The following TRAK1 variants were observed in gnomAD, a reference collection of about 807,000 sequenced individuals.
TRAK1 encodes trafficking kinesin protein 1.
Under a neutral mutation model 92.1 loss-of-function variants are expected in TRAK1, and 33 were observed. That is an observed-to-expected ratio of 0.36 (90% CI 0.27 to 0.48). TRAK1 has a LOEUF of 0.48. TRAK1 is among the 20% of genes least tolerant of loss of function. The pLI is 0.99. For synonymous variants in TRAK1, 521 were observed against 517.3 expected (o/e 1.01, Z -0.10); for missense variants, 1,123 against 1,257.9 (o/e 0.89, Z 1.62).
chr3:42,143,739 T>G (rs1420192177), intron 2 of TRAK1, among the ~76,000 whole-genome samples: 1 of 152,118 alleles, frequency 6.6e-6, no homozygotes, highest in African/African-American at 2.4e-5. Context: ...CTTTTTCGGC[T>G]GCAGTAAACC....
chr3:42,152,969 CA>C (rs2149266484), intron 2 of TRAK1, among the ~76,000 whole-genome samples: 1 of 152,242 alleles, frequency 6.6e-6, no homozygotes, highest in African/African-American at 2.4e-5. Context: ...ACAGGAGTAA[CA>C]ACACTGGTTG....
intron 3 of TRAK1, among the ~76,000 whole-genome samples, chr3:42,180,034 C>G (rs927685137): frequency 2.0e-5 from 3 of 151,990 alleles, no homozygotes; most frequent in Admixed American, 6.6e-5. Flanking sequence ...GCTGCCACGC[C>G]CAACCTGTTT....
At chr3:42,137,042 A>G (rs1462558618) in intron 2 of TRAK1, among the ~76,000 whole-genome samples, 1 of 152,232 alleles carries the variant, frequency 6.6e-6, no homozygotes, top group African/African-American at 2.4e-5. Context: ...AAACAAAAAG[A>G]TGACTAACAT....
chr3:42,177,278 G>A (rs1010522568), intron 3 of TRAK1, among the ~76,000 whole-genome samples: 1 of 152,180 alleles, frequency 6.6e-6, no homozygotes, highest in Non-Finnish European at 1.5e-5. Context: ...GTGGAATATT[G>A]TGCAGTGTCA....
chr3:42,174,375 G>A lies in TRAK1; in HGVS notation c.287-2439G>A, dbSNP rs78686738. On this transcript the variant is annotated intron_variant, in intron 2 of 15. Transcript: ENST00000327628. ...GCACACAAATAAGTGCAAGTAAAACGGGAACTCTGAGGAAAAGTTATGGAT... is the reference window on the plus strand; with the variant it reads ...GCACACAAATAAGTGCAAGTAAAACAGGAACTCTGAGGAAAAGTTATGGAT... Among the ~76,000 whole-genome samples, 1,003 of 152,290 alleles carry A rather than the reference G, an allele frequency of 6.6e-3. 6 individuals are homozygous for A. The highest frequency in any genetic ancestry group is 0.021 in the African/African-American group (879 of 41,546).
chr3:42,135,927 T>C (rs995645891), intron 2 of TRAK1, among the ~76,000 whole-genome samples: 2 of 152,174 alleles, frequency 1.3e-5, no homozygotes, highest in African/African-American at 4.8e-5. Context: ...ATCCTCACAC[T>C]AGCTGTTCTT....
At chr3:42,189,982 G>A (rs185035471) in intron 6 of TRAK1, among the ~76,000 whole-genome samples, 4 of 152,162 alleles carry the variant, frequency 2.6e-5, no homozygotes, top group African/African-American at 4.8e-5. Flanking sequence ...CTGAAAGCTC[G>A]TTACTTTGAT....
intron 1 of TRAK1, among the ~76,000 whole-genome samples, chr3:42,042,858 A>C (rs1005692111): frequency 1.1e-4 from 16 of 151,924 alleles, no homozygotes; most frequent in African/African-American, 3.9e-4. Flanking sequence ...TGTTGTACTC[A>C]CTGCTCTGAT....
Position 42,061,357 on chromosome 3 carries a change from C to CCACACA in TRAK1, c.-518-25736_-518-25731dup, listed in dbSNP as rs145960725. On this transcript the variant is annotated intron_variant, in intron 1 of 16. Transcript: ENST00000487159. ...GCACACCCCACCCCCCCACGCACAC[C>CCACACA]CACACACACACACACAGTGCCAGGG... 2.0e-3 allele frequency among the ~76,000 whole-genome samples: 277 copies of CCACACA among 139,656 alleles called. 1 individual carries two copies. Among genetic ancestry groups the CCACACA allele is most frequent in the African/African-American group, 7.0e-3 (265 of 37,864 alleles). The allele number at this position is 139,656 out of a possible 152,430, so 91.6% of individuals were successfully genotyped here.
upstream of TRAK1, among the ~76,000 whole-genome samples, chr3:42,089,209 C>T (rs1323895442): frequency 6.6e-6 from 1 of 152,188 alleles, no homozygotes; most frequent in Non-Finnish European, 1.5e-5. Context: ...TTCTGCGATT[C>T]ATACCCCAGT....
chr3:42,178,272 A>C (rs1193307474), intron 3 of TRAK1, among the ~76,000 whole-genome samples: 1 of 152,028 alleles, frequency 6.6e-6, no homozygotes, highest in Non-Finnish European at 1.5e-5. Context: ...TGCAGCTGCC[A>C]CCGTCCATGC....
intron 1 of TRAK1, among the ~76,000 whole-genome samples, chr3:42,110,037 A>AC (rs34471656): frequency 0.12 from 18,149 of 145,620 alleles, 1,470 homozygotes; most frequent in Non-Finnish European, 0.17. Context: ...CCAACATGGC[A>AC]CATGTATACA....
intron 1 of TRAK1, among the ~76,000 whole-genome samples, chr3:42,056,983 C>T (rs1200265570): frequency 6.6e-6 from 1 of 152,170 alleles, no homozygotes; most frequent in Non-Finnish European, 1.5e-5. Flanking sequence ...TTTGAACCAA[C>T]CTGTAACCTG....
intron 1 of TRAK1, among the ~76,000 whole-genome samples, chr3:42,097,294 A>C (rs920231610): frequency 1.3e-5 from 2 of 152,252 alleles, no homozygotes; most frequent in Admixed American, 1.3e-4. Flanking sequence ...ATGTTCCCAC[A>C]TATTTAAACA....
At chr3:42,124,130 A>C (rs1473574117) in intron 1 of TRAK1, among the ~76,000 whole-genome samples, 1 of 112,178 alleles carries the variant, frequency 8.9e-6, no homozygotes, top group African/African-American at 3.7e-5. Flanking sequence ...AGAGTGAGAC[A>C]CTGTCTTAAA....
chr3:42,076,172 C>A (rs956212290), intron 1 of TRAK1, among the ~76,000 whole-genome samples: 1 of 127,072 alleles, frequency 7.9e-6, no homozygotes, highest in Non-Finnish European at 1.7e-5. Flanking sequence ...GTTTTTGTTT[C>A]TTGTAAATTT....
chr3:42,066,749 C>G (rs539392390), intron 1 of TRAK1, among the ~76,000 whole-genome samples: 2 of 152,316 alleles, frequency 1.3e-5, no homozygotes, highest in East Asian at 3.9e-4. Context: ...ATGACATGGT[C>G]ACTGAAGGCC....
intron 1 of TRAK1, among the ~76,000 whole-genome samples, chr3:42,071,606 G>T (rs1402527710): frequency 6.6e-6 from 1 of 152,002 alleles, no homozygotes; most frequent in Non-Finnish European, 1.5e-5. Flanking sequence ...TACTTGGGAG[G>T]CTGAGGCAGG....
chr3:42,211,487 A>G (rs1167057282), intron 14 of TRAK1: 3 of 985,298 alleles, frequency 3.0e-6, no homozygotes, highest in African/African-American at 3.5e-5. Flanking sequence ...CATTTTTGTC[A>G]TCAGCACCAG....
Sources: allele counts gnomAD v4.1 joint callset (sites outside exome capture counted in the v4.1 genomes callset), GRCh38; gene constraint gnomAD v4.1.1; transcripts MANE v1.5; gene names NCBI Gene and HGNC (gene_info 2026-07-23, HGNC 2026-07-21).